GDI2: variants seen among roughly 807,000 people sequenced by gnomAD.
GDI2 encodes rab GDP dissociation inhibitor beta.
In GDI2, 22 loss-of-function variants were observed where a neutral mutation model predicts 54.2. The observed-to-expected ratio is 0.41, with a 90% CI of 0.29 to 0.58. GDI2 has a LOEUF of 0.58. GDI2 is among the 20% of genes least tolerant of loss of function. The pLI, the probability that GDI2 is intolerant of heterozygous loss-of-function variation, is 0.35. For synonymous variants in GDI2, 177 were observed against 182.1 expected (o/e 0.97, Z 0.23); for missense variants, 422 against 546.0 (o/e 0.77, Z 2.26).
chr10:5,782,903 A>T (rs1054310276), intron 6 of GDI2, among the ~76,000 whole-genome samples: 1 of 152,262 alleles, frequency 6.6e-6, no homozygotes, highest in Non-Finnish European at 1.5e-5. Flanking sequence ...ACAGCACTCC[A>T]GCCTGGGCAA....
intron 6 of GDI2, among the ~76,000 whole-genome samples, chr10:5,783,488 G>A (rs1335488233): frequency 6.6e-6 from 1 of 152,052 alleles, no homozygotes; most frequent in African/African-American, 2.4e-5. Context: ...TATTCATCGT[G>A]CTATTTGTTT....
chr10:5,788,820 T>C (rs897644550), intron 4 of GDI2, among the ~76,000 whole-genome samples: 1 of 152,076 alleles, frequency 6.6e-6, no homozygotes, highest in Admixed American at 6.5e-5. Flanking sequence ...GAGTGCGCAG[T>C]GGCGCGATTT....
chr10:5,811,765 T>C (rs1176975417), intron 1 of GDI2: 6 of 326,588 alleles, frequency 1.8e-5, no homozygotes, highest in Non-Finnish European at 3.0e-5. Context: ...TATTCCTGGA[T>C]TGGTCAAACA....
chr10:5,806,824 G>A (rs981808032), intron 1 of GDI2, among the ~76,000 whole-genome samples: 1 of 152,138 alleles, frequency 6.6e-6, no homozygotes, highest in Non-Finnish European at 1.5e-5. Flanking sequence ...TACATTCCCA[G>A]CTGACAAAAG....
intron 6 of GDI2, among the ~76,000 whole-genome samples, chr10:5,783,913 C>A (rs906961989): frequency 6.6e-6 from 1 of 152,132 alleles, no homozygotes; most frequent in Admixed American, 6.5e-5. Context: ...TGACTATGTG[C>A]CTAGGTGATG....
At chr10:5,789,205 CA>C (rs1324144485) in intron 4 of GDI2, among the ~76,000 whole-genome samples, 3 of 151,986 alleles carry the variant, frequency 2.0e-5, no homozygotes, top group African/African-American at 4.8e-5. Flanking sequence ...TTCCTGGGCT[CA>C]AGCAATCTTC....
At chr10:5,792,943 A>G (rs1841049737) in intron 4 of GDI2, among the ~76,000 whole-genome samples, 1 of 141,860 alleles carries the variant, frequency 7.0e-6, no homozygotes, top group Non-Finnish European at 1.5e-5. Flanking sequence ...AAAAGAAAGA[A>G]CCCACGACCT....
At chr10:5,794,200 T>A (rs1367369192) in intron 4 of GDI2, among the ~76,000 whole-genome samples, 3,208 of 56,640 alleles carry the variant, frequency 0.057, 174 homozygotes, top group Non-Finnish European at 0.077. Flanking sequence ...TATATATATA[T>A]ATATATATAT....
At chr10:5,795,181 T>C (rs1389091499) in intron 3 of GDI2, among the ~76,000 whole-genome samples, 162 bp from the exon 4 acceptor site, 1 of 152,232 alleles carries the variant, frequency 6.6e-6, no homozygotes, top group Non-Finnish European at 1.5e-5. Context: ...CAGGCTACAG[T>C]GCAGTGGCAC....
Position 5,786,050 on chromosome 10 carries a change from C to G in GDI2, c.389G>C (p.Ser130Thr), listed in dbSNP as rs1840867799. Residue 130 changes from serine to threonine, a missense_variant and splice_region_variant, in exon 5 of 11, where the codon AGC becomes ACC. Transcript: ENST00000380191. ...ACGTTTTTCAAACAATCCCATTAGG[C>G]CTAAATAAAAAAGAATTTTTCAAAA... ...PSTEAEALAS[S>T]LMGLFEKRRF... is the part of the protein sequence containing the mutation. The G allele has an allele frequency of 1.0e-5, 16 of 1,603,128 alleles. No individual in the cohort carries two copies. The highest frequency in any genetic ancestry group is 1.4e-5 in the Non-Finnish European group (16 of 1,171,938).
chr10:5,786,831 G>C (rs1317309422), intron 4 of GDI2, among the ~76,000 whole-genome samples: 2 of 152,136 alleles, frequency 1.3e-5, no homozygotes, highest in Non-Finnish European at 2.9e-5. Flanking sequence ...AGAACAAATT[G>C]ACCTCGATAA....
chr10:5,780,459 TAAAAG>T (rs746160753), intron 6 of GDI2, among the ~76,000 whole-genome samples: 1 of 152,152 alleles, frequency 6.6e-6, no homozygotes, highest in Non-Finnish European at 1.5e-5. Flanking sequence ...ATAAAAGTTA[TAAAAG>T]AAGAATCTCT....
rs1024805801 is a variant in GDI2 at position 5,793,047 on chromosome 10, C to T, written c.388+1838G>A. ...TCCCCCTCTGTCACCCAGGTTGGAG[C>T]GCAGTGATGCAATCACAGCTCACTG... On this transcript the variant is annotated intron_variant, in intron 4 of 10. Coordinates refer to ENST00000380191, the MANE Select transcript of GDI2 (RefSeq NM_001494.4). 2.2e-4 allele frequency among the ~76,000 whole-genome samples: 34 copies of T among 151,798 alleles called. 1 individual carries two copies. The highest frequency in any genetic ancestry group is 1.8e-3 in the Admixed American group (27 of 15,230).
intron 6 of GDI2, among the ~76,000 whole-genome samples, chr10:5,781,454 T>C (rs1487237581): frequency 6.6e-6 from 1 of 150,542 alleles, no homozygotes; most frequent in East Asian, 2.0e-4. Flanking sequence ...TGAAACCCCG[T>C]CTCTACTAAA....
intron 7 of GDI2, chr10:5,769,488 T>C (rs573291454): frequency 1.3e-5 from 2 of 152,060 alleles, no homozygotes; most frequent in South Asian, 4.2e-4. Context: ...GGAGAATCGC[T>C]TGAATCTGGG....
intron 3 of GDI2, 77 bp downstream of exon 3, chr10:5,796,686 T>C: frequency 3.8e-6 from 3 of 784,966 alleles, no homozygotes; most frequent in East Asian, 2.5e-5. Context: ...CCCAGAATAG[T>C]ACTCTGTCAA....
At chr10:5,775,901 G>C (rs920605572) in intron 6 of GDI2, among the ~76,000 whole-genome samples, 4 of 152,162 alleles carry the variant, frequency 2.6e-5, no homozygotes, top group African/African-American at 9.7e-5. Context: ...GGAGGAGGAA[G>C]TGGTGAGGTT....
At position 5,776,333 on chromosome 10, in the gene GDI2, C is replaced by T. The variant is rs897588402; in HGVS notation, c.720-2392G>A. On this transcript the variant is annotated intron_variant, in intron 6 of 10. Transcript: ENST00000380191. The surrounding 1 kb of genome is among the most constrained non-coding windows in gnomAD (Gnocchi z 5.3). ...GATGTAGCTGCCCATCTCACAAACC[C>T]TCTGCTGAGGATGCAGAGAGCCAGA... 7.8e-6 allele frequency: 5 copies of T among 637,446 alleles called. No homozygotes were observed. Among genetic ancestry groups the T allele is most frequent in the Non-Finnish European group, 1.4e-5 (5 of 347,090 alleles). The allele number at this position is 637,446 out of a possible 1,614,324, so 39.5% of individuals were successfully genotyped here.
intron 6 of GDI2, among the ~76,000 whole-genome samples, chr10:5,775,867 G>C (rs962258453): frequency 9.8e-5 from 15 of 152,314 alleles, no homozygotes; most frequent in African/African-American, 3.4e-4. Context: ...AGCAGCGCAG[G>C]TGGCAGGCCC....
Sources: allele counts gnomAD v4.1 joint callset (sites outside exome capture counted in the v4.1 genomes callset), GRCh38; gene constraint gnomAD v4.1.1; non-coding constraint Gnocchi (gnomAD v3.1); transcripts MANE v1.5; gene names NCBI Gene and HGNC (gene_info 2026-07-23, HGNC 2026-07-21).